Variants in EBF1 observed in about 807,000 individuals in gnomAD.
EBF1 encodes the protein transcription factor COE1.
In EBF1, 10 loss-of-function variants were observed where a neutral mutation model predicts 68.4. The observed-to-expected ratio is 0.15, with a 90% confidence interval of 0.09 to 0.25. EBF1 has a LOEUF of 0.25. Among genes scored for constraint, EBF1 ranks in the 10% least tolerant of loss-of-function variants. The probability of loss-of-function intolerance (pLI) is 1.00; values close to 1 mark genes in which losing one functional copy is unlikely to be tolerated. For synonymous variants in EBF1, 298 were observed against 299.8 expected (o/e 0.99, Z 0.06); for missense variants, 509 against 794.4 (o/e 0.64, Z 4.32).
intron 3 of EBF1, 27 bp downstream of exon 3, chr5:159,096,316 A>T: frequency 6.2e-7 from 1 of 1,609,316 alleles, no homozygotes; most frequent in Non-Finnish European, 8.5e-7. Flanking sequence ...CCCCAGGGTG[A>T]GGCCATAGAC....
chr5:158,850,140 C>T (rs998186683), intron 6 of EBF1, among the ~76,000 whole-genome samples: 1 of 152,254 alleles, frequency 6.6e-6, no homozygotes, highest in South Asian at 2.1e-4. Flanking sequence ...ATTGTTTTCC[C>T]ATCATTCAAG....
chr5:158,706,994 C>T (rs1297610766), intron 15 of EBF1, among the ~76,000 whole-genome samples: 1 of 152,196 alleles, frequency 6.6e-6, no homozygotes, highest in Non-Finnish European at 1.5e-5. Context: ...CCTTAGGAAC[C>T]CTGGCTATGT....
At chr5:158,754,700 A>T (rs993914517) in intron 10 of EBF1, among the ~76,000 whole-genome samples, 9 of 152,078 alleles carry the variant, frequency 5.9e-5, no homozygotes, top group Non-Finnish European at 1.2e-4. Context: ...AGTTAGAAAA[A>T]GTATTAGCAA....
chr5:158,944,281 A>G lies in EBF1; in HGVS notation c.555-104171T>C, dbSNP rs151238390. Among the ~76,000 whole-genome samples, 11 of 151,634 alleles carry G rather than the reference A, an allele frequency of 7.3e-5. No homozygotes were observed. The East Asian group carries it at 2.1e-3, about 29-fold the overall frequency. On this transcript the variant is annotated intron_variant, in intron 6 of 15. Coordinates refer to ENST00000313708, the MANE Select transcript of EBF1 (RefSeq NM_024007.5). ...CCCCTCCCTGTGCCCATATATTCTC[A>G]TTGTTCAACTCCCAAGTATGAGTGA... is the stretch of plus-strand genomic sequence containing the variant.
chr5:158,746,858 C>A (rs1767701716), intron 10 of EBF1, among the ~76,000 whole-genome samples: 1 of 152,152 alleles, frequency 6.6e-6, no homozygotes, highest in African/African-American at 2.4e-5. Context: ...AACTGCTGAC[C>A]TATTCTCAAA....
chr5:158,936,574 G>A (rs893008877), intron 6 of EBF1, among the ~76,000 whole-genome samples: 2 of 152,194 alleles, frequency 1.3e-5, no homozygotes, highest in African/African-American at 4.8e-5. Flanking sequence ...AGATAAATCG[G>A]TGTCCCTTCC....
At chr5:158,983,021 G>T (rs1758210032) in intron 6 of EBF1, 1 of 152,122 alleles carries the variant, frequency 6.6e-6, no homozygotes, top group African/African-American at 2.4e-5. Context: ...TTACCTAAGA[G>T]GCCCTGGATA....
intron 6 of EBF1, among the ~76,000 whole-genome samples, chr5:158,995,052 G>A (rs1761131361): frequency 6.6e-6 from 1 of 152,082 alleles, no homozygotes; most frequent in African/African-American, 2.4e-5. Flanking sequence ...CCTCTGCTTT[G>A]CCCAATAAGG....
intron 5 of EBF1, among the ~76,000 whole-genome samples, chr5:159,075,223 C>G (rs538229848): frequency 6.6e-6 from 1 of 152,256 alleles, no homozygotes; most frequent in East Asian, 1.9e-4. Context: ...GGTATAAAGA[C>G]TTGGCTTCAT....
intron 6 of EBF1, among the ~76,000 whole-genome samples, chr5:158,919,639 A>C (rs1807966284): frequency 6.6e-6 from 1 of 152,172 alleles, no homozygotes; most frequent in African/African-American, 2.4e-5. Context: ...ACAGAACCAC[A>C]TCTTCTCTCA....
intron 6 of EBF1, among the ~76,000 whole-genome samples, chr5:158,962,411 A>G (rs1018229811): frequency 6.6e-6 from 1 of 152,138 alleles, no homozygotes; most frequent in Non-Finnish European, 1.5e-5. Context: ...CAAGGCAACA[A>G]CACCACAATG....
chr5:158,920,586 T>G (rs1486620415), intron 6 of EBF1, among the ~76,000 whole-genome samples: 1 of 152,172 alleles, frequency 6.6e-6, no homozygotes, highest in Admixed American at 6.5e-5. Context: ...TTTCTTCTTT[T>G]TTTTTTTAAA....
At chr5:158,959,504 C>T (rs1817753078) in intron 6 of EBF1, among the ~76,000 whole-genome samples, 1 of 152,108 alleles carries the variant, frequency 6.6e-6, no homozygotes, top group Admixed American at 6.6e-5. Flanking sequence ...GTTGACCAAG[C>T]TTGTCTGAAT....
At chr5:158,764,628 A>T (rs1050563208) in intron 10 of EBF1, among the ~76,000 whole-genome samples, 4 of 152,208 alleles carry the variant, frequency 2.6e-5, no homozygotes, top group Non-Finnish European at 5.9e-5. Context: ...TTCAGATTGT[A>T]TCAGCTGGTG....
intron 9 of EBF1, among the ~76,000 whole-genome samples, chr5:158,792,009 C>G (rs1778699941): frequency 1.3e-5 from 2 of 152,158 alleles, no homozygotes; most frequent in Non-Finnish European, 2.9e-5. Flanking sequence ...ACACCAGAAG[C>G]AGGAGCCCCT....
At chr5:159,045,245 A>C (rs2127790121) in intron 6 of EBF1, among the ~76,000 whole-genome samples, 1 of 152,272 alleles carries the variant, frequency 6.6e-6, no homozygotes, top group Admixed American at 6.5e-5. Context: ...GTGGAGAAGA[A>C]TCAGAGATCT....
At chr5:158,986,166 C>T (rs762201419) in intron 6 of EBF1, among the ~76,000 whole-genome samples, 3 of 152,208 alleles carry the variant, frequency 2.0e-5, no homozygotes, top group Non-Finnish European at 4.4e-5. Flanking sequence ...TAAGAAACAG[C>T]ATGATTTCTG....
chr5:159,042,021 GC>G (rs1224735940), intron 6 of EBF1, among the ~76,000 whole-genome samples: 4 of 152,190 alleles, frequency 2.6e-5, no homozygotes, highest in Non-Finnish European at 4.4e-5. Context: ...GAATGAGAGT[GC>G]TTTGGCTGCA....
chr5:158,847,216 A>G (rs1372927402), intron 6 of EBF1, among the ~76,000 whole-genome samples: 1 of 152,202 alleles, frequency 6.6e-6, no homozygotes, highest in Non-Finnish European at 1.5e-5. Context: ...GGGCATCATT[A>G]GTGGCAAGAA....
Sources: gnomAD v4.1 joint callset for allele counts (sites outside exome capture counted in the v4.1 genomes callset) on GRCh38, gnomAD v4.1.1 for gene constraint, MANE v1.5 for transcripts, NCBI Gene and HGNC (gene_info 2026-07-23, HGNC 2026-07-21) for gene names.